Variants in CCSER2 observed in about 807,000 individuals in gnomAD.
CCSER2 encodes the protein serine-rich coiled-coil domain-containing protein 2.
Under a neutral mutation model 92.3 loss-of-function variants are expected in CCSER2, and 46 were observed. That is an observed-to-expected ratio of 0.50 (90% CI 0.39 to 0.64). CCSER2 has a LOEUF of 0.64. CCSER2 is among the 30% of genes least tolerant of loss of function. The probability of loss-of-function intolerance (pLI) is 0.00; values close to 1 mark genes in which losing one functional copy is unlikely to be tolerated. For synonymous variants in CCSER2, 433 were observed against 431.4 expected (o/e 1.00, Z -0.04); for missense variants, 1,244 against 1,238.9 (o/e 1.00, Z -0.06).
At chr10:84,375,434 C>G (rs1408034052) in intron 3 of CCSER2, among the ~76,000 whole-genome samples, 2 of 151,874 alleles carry the variant, frequency 1.3e-5, no homozygotes, top group Non-Finnish European at 1.5e-5. Flanking sequence ...GTGTTGAGTT[C>G]TCGTACAGTG....
intron 3 of CCSER2, chr10:84,389,216 T>C (rs1347822704): frequency 2.3e-6 from 1 of 434,376 alleles, no homozygotes; most frequent in Non-Finnish European, 4.5e-6. Flanking sequence ...TATGATGTCA[T>C]GAGGGTGGCG....
chr10:84,512,405 A>AGAGAGAGAGAGAGAGAGAGGGGGAG (rs1554872164), intron 9 of CCSER2, among the ~76,000 whole-genome samples: 4 of 140,716 alleles, frequency 2.8e-5, no homozygotes, highest in African/African-American at 7.7e-5. Context: ...TGAGAGAGAG[A>AGAGAGAGAGAGAGAGAGAGGGGGAG]GAGAGAGAGA....
intron 3 of CCSER2, among the ~76,000 whole-genome samples, chr10:84,403,688 T>A (rs1353825396): frequency 6.6e-6 from 1 of 152,234 alleles, no homozygotes; most frequent in African/African-American, 2.4e-5. Context: ...ACATTCATCA[T>A]AATTAACCCT....
chr10:84,489,722 G>A (rs1848036087), intron 9 of CCSER2, among the ~76,000 whole-genome samples: 1 of 152,108 alleles, frequency 6.6e-6, no homozygotes, highest in African/African-American at 2.4e-5. Context: ...TTTAATTGGA[G>A]CATTTAGCCC....
intron 3 of CCSER2, among the ~76,000 whole-genome samples, chr10:84,387,253 A>C (rs1841265888): frequency 6.6e-6 from 1 of 152,102 alleles, no homozygotes; most frequent in Non-Finnish European, 1.5e-5. Flanking sequence ...CTAAGGGTTA[A>C]CTGTTCAATG....
chr10:84,491,395 G>A (rs532380294), intron 9 of CCSER2, among the ~76,000 whole-genome samples: 33 of 152,286 alleles, frequency 2.2e-4, no homozygotes, highest in Non-Finnish European at 4.4e-4. Context: ...CACCCAGTTC[G>A]AGCTTCCCGG....
intron 6 of CCSER2, among the ~76,000 whole-genome samples, chr10:84,456,391 T>C (rs1845622746): frequency 6.6e-6 from 1 of 152,178 alleles, no homozygotes; most frequent in South Asian, 2.1e-4. Flanking sequence ...GAAATATTCA[T>C]TTATGCTGTA....
chr10:84,385,019 A>C (rs1408358456), intron 3 of CCSER2, among the ~76,000 whole-genome samples: 1 of 152,028 alleles, frequency 6.6e-6, no homozygotes, highest in East Asian at 1.9e-4. Context: ...ACACACACAC[A>C]CACACACACA....
intron 8 of CCSER2, among the ~76,000 whole-genome samples, chr10:84,473,955 C>T (rs1169914019): frequency 6.6e-6 from 1 of 151,982 alleles, no homozygotes; most frequent in Non-Finnish European, 1.5e-5. Flanking sequence ...TGCATGCAAA[C>T]CTTCATAAAA....
chr10:84,471,208 G>C (rs1846776383), intron 8 of CCSER2, among the ~76,000 whole-genome samples: 1 of 152,012 alleles, frequency 6.6e-6, no homozygotes, highest in African/African-American at 2.4e-5. Flanking sequence ...TCAGCTCACG[G>C]AGATCCATTT....
rs1849632324 is a variant in CCSER2, at chr10:84,517,409, T to G, written c.*3142T>G. 2.0e-5 allele frequency: 3 copies of G among 152,630 alleles called. No individual in the cohort carries two copies. In the South Asian group the frequency reaches 6.2e-4, roughly 32 times the overall value. 9.5% of individuals were successfully genotyped at this position (152,630 alleles called of 1,614,324 possible). On this transcript the variant is annotated 3_prime_UTR_variant, in exon 10 of 10. Coordinates refer to ENST00000372088, the MANE Select transcript of CCSER2 (RefSeq NM_001284240.2). ...ACATTTTTCTTTTGGAGTCTCATTT[T>G]TATTTGTGCAATATTTTCAGGCATA...
At chr10:84,380,137 A>G (rs574859288) in intron 3 of CCSER2, among the ~76,000 whole-genome samples, 60 of 152,374 alleles carry the variant, frequency 3.9e-4, no homozygotes, top group Non-Finnish European at 8.1e-4. Flanking sequence ...TCTGTCACTT[A>G]TCATCTGAAC....
intron 1 of CCSER2, among the ~76,000 whole-genome samples, chr10:84,365,130 C>G (rs1845714747): frequency 6.6e-6 from 1 of 152,090 alleles, no homozygotes; most frequent in Admixed American, 6.5e-5. Flanking sequence ...AAAAAACTGA[C>G]ATTTTCAAGC....
chr10:84,335,553 T>C (rs1843790688), intron 1 of CCSER2, among the ~76,000 whole-genome samples: 1 of 152,148 alleles, frequency 6.6e-6, no homozygotes, highest in Non-Finnish European at 1.5e-5. Flanking sequence ...CCTGCTTTTC[T>C]TTAAAATGCA....
At chr10:84,432,925 G>A (rs1007949578) in intron 5 of CCSER2, among the ~76,000 whole-genome samples, 1 of 152,064 alleles carries the variant, frequency 6.6e-6, no homozygotes, top group African/African-American at 2.4e-5. Context: ...CTTTTTGTTT[G>A]TAGATGTCCA....
intron 9 of CCSER2, among the ~76,000 whole-genome samples, chr10:84,494,705 A>C (rs973661358): frequency 6.6e-6 from 1 of 152,200 alleles, no homozygotes; most frequent in South Asian, 2.1e-4. Flanking sequence ...TTCAAGGTAG[A>C]GTGAAGCGCA....
intron 6 of CCSER2, among the ~76,000 whole-genome samples, chr10:84,449,775 A>T (rs1845158346): frequency 6.6e-6 from 1 of 152,160 alleles, no homozygotes; most frequent in African/African-American, 2.4e-5. Context: ...TGAACCCAGG[A>T]GGCAGAGGTT....
chr10:84,360,563 A>G (rs1183189844), intron 1 of CCSER2, among the ~76,000 whole-genome samples: 1 of 152,226 alleles, frequency 6.6e-6, no homozygotes, highest in Non-Finnish European at 1.5e-5. Flanking sequence ...TAAATCTTAA[A>G]TGATGTACTC....
intron 3 of CCSER2, among the ~76,000 whole-genome samples, chr10:84,381,290 G>A (rs767949857): frequency 4.1e-4 from 63 of 152,260 alleles, no homozygotes; most frequent in Non-Finnish European, 7.6e-4. Flanking sequence ...ATCCGAAGTT[G>A]GTATTAGGCA....
Sources: allele counts gnomAD v4.1 joint callset (sites outside exome capture counted in the v4.1 genomes callset), GRCh38; gene constraint gnomAD v4.1.1; transcripts MANE v1.5; gene names NCBI Gene and HGNC (gene_info 2026-07-23, HGNC 2026-07-21).